The following TMEM132D variants were observed in gnomAD, a reference collection of about 807,000 sequenced individuals.
TMEM132D encodes the protein mature OL transmembrane protein.
In TMEM132D, 21 loss-of-function variants were observed where a neutral mutation model predicts 62.3. The ratio of observed to expected loss-of-function variants is 0.34; its 90% CI spans 0.24 to 0.49. The LOEUF is 0.49. Ranked by LOEUF, TMEM132D falls within the 20% of genes least tolerant of loss-of-function variation. The probability of loss-of-function intolerance (pLI) is 0.99; values close to 1 mark genes in which losing one functional copy is unlikely to be tolerated. For missense variants in TMEM132D, 1,346 were observed against 1,402.8 expected, an observed-to-expected ratio of 0.96 and a Z score of 0.65; for synonymous variants, 621 against 575.6, an observed-to-expected ratio of 1.08 and a Z score of -1.13.
chr12:129,585,846 T>G (rs181731968), intron 2 of TMEM132D, among the ~76,000 whole-genome samples: 179 of 151,964 alleles, frequency 1.2e-3, no homozygotes, highest in African/African-American at 3.5e-3. Context: ...TGTGTCTGTG[T>G]GTGTGTGAGG....
chr12:129,409,929 T>G (rs959315160), intron 3 of TMEM132D, among the ~76,000 whole-genome samples: 1 of 152,202 alleles, frequency 6.6e-6, no homozygotes, highest in Non-Finnish European at 1.5e-5. Flanking sequence ...TGAGTTAACG[T>G]AGACTTCTGA....
intron 7 of TMEM132D, 133 bp from the exon 8 acceptor site, chr12:129,078,858 T>G: frequency 3.4e-5 from 27 of 796,092 alleles, no homozygotes; most frequent in Non-Finnish European, 5.2e-5. Context: ...GAACAGGCCT[T>G]TCCCACTCAC....
chr12:129,594,362 T>C, intron 2 of TMEM132D, among the ~76,000 whole-genome samples: 1 of 152,140 alleles, frequency 6.6e-6, no homozygotes, highest in Non-Finnish European at 1.5e-5. Context: ...TAACGTCACA[T>C]CAAAGTCCAG....
chr12:129,623,101 C>G (rs1879117208), intron 2 of TMEM132D, among the ~76,000 whole-genome samples: 1 of 152,116 alleles, frequency 6.6e-6, no homozygotes, highest in African/African-American at 2.4e-5. Context: ...CTAAGGATAG[C>G]ATTGGATTCA....
rs565134408 is a variant in TMEM132D at position 129,744,513 on chromosome 12, T to C, written c.80-43815A>G. 1.1e-4 allele frequency among the ~76,000 whole-genome samples: 17 copies of C among 152,280 alleles called. No individual in the cohort carries two copies. The East Asian group carries it at 3.1e-3, about 28-fold the overall frequency. On this transcript the variant is annotated intron_variant, in intron 1 of 8. Transcript: ENST00000422113. ...AAAGTAGTGCTGCATACAGATAGTA[T>C]ATATTTTGCAGCCCTGCCAATATCA...
At chr12:129,836,236 C>T (rs1228653562) in intron 1 of TMEM132D, among the ~76,000 whole-genome samples, 1 of 152,112 alleles carries the variant, frequency 6.6e-6, no homozygotes, top group African/African-American at 2.4e-5. Context: ...TTTAAAAATC[C>T]TTTAAAAAGC....
chr12:129,666,941 A>T (rs1880391361), intron 2 of TMEM132D, among the ~76,000 whole-genome samples: 1 of 152,248 alleles, frequency 6.6e-6, no homozygotes, highest in Non-Finnish European at 1.5e-5. Flanking sequence ...TTCTTAACTT[A>T]GAGTAACGGG....
chr12:129,262,507 T>A (rs1270823364), intron 4 of TMEM132D: 2 of 152,324 alleles, frequency 1.3e-5, no homozygotes, highest in Middle Eastern at 6.8e-3. Context: ...GGAGAGCACG[T>A]GCCATGTCTG....
intron 4 of TMEM132D, among the ~76,000 whole-genome samples, chr12:129,257,669 G>A (rs1352426978): frequency 1.3e-5 from 2 of 152,152 alleles, no homozygotes; most frequent in Non-Finnish European, 2.9e-5. Flanking sequence ...ATGCAGGGGT[G>A]GATCTGGGGG....
At chr12:129,778,992 G>A (rs190040725) in intron 1 of TMEM132D, among the ~76,000 whole-genome samples, 29 of 152,318 alleles carry the variant, frequency 1.9e-4, no homozygotes, top group African/African-American at 6.0e-4. Context: ...TCTCTCTCAC[G>A]TAAATACTAT....
rs369793846 is a variant in TMEM132D at position 129,607,221 on chromosome 12, G to A, written c.969-76016C>T. Among the ~76,000 whole-genome samples, 16 of 152,274 alleles carry A rather than the reference G, an allele frequency of 1.1e-4. No individual in the cohort carries two copies. The East Asian group carries it at 2.3e-3, about 22-fold the overall frequency. ...AGCGAAATGATACCGATTAAAATCAGCAACAAGAAAGAAAAGGTGCTTAGG... is the reference window on the plus strand; with the variant it reads ...AGCGAAATGATACCGATTAAAATCAACAACAAGAAAGAAAAGGTGCTTAGG... On this transcript the variant is annotated intron_variant, in intron 2 of 8. Transcript: ENST00000422113.
intron 4 of TMEM132D, among the ~76,000 whole-genome samples, chr12:129,224,541 A>G (rs1374609936): frequency 6.6e-6 from 1 of 152,208 alleles, no homozygotes; most frequent in Admixed American, 6.5e-5. Flanking sequence ...GTAACAGACA[A>G]ACCTTTCAAA....
At chr12:129,335,936 G>C (rs567712402) in intron 4 of TMEM132D, among the ~76,000 whole-genome samples, 1 of 152,202 alleles carries the variant, frequency 6.6e-6, no homozygotes, top group Admixed American at 6.5e-5. Context: ...AAGTTTTGCT[G>C]GTCTGCAGAA....
chr12:129,122,542 A>G (rs1876097241), intron 5 of TMEM132D, among the ~76,000 whole-genome samples: 1 of 152,166 alleles, frequency 6.6e-6, no homozygotes, highest in African/African-American at 2.4e-5. Context: ...TAGAGGATCA[A>G]TAGATATCTA....
At chr12:129,514,795 T>C (rs1272762110) in intron 3 of TMEM132D, among the ~76,000 whole-genome samples, 1 of 152,208 alleles carries the variant, frequency 6.6e-6, no homozygotes, top group African/African-American at 2.4e-5. Flanking sequence ...AGCTATGATT[T>C]GTCTGAAGCT....
chr12:129,370,375 C>T (rs930048800), intron 3 of TMEM132D, among the ~76,000 whole-genome samples: 17 of 152,168 alleles, frequency 1.1e-4, no homozygotes, highest in Non-Finnish European at 1.6e-4. Flanking sequence ...TTTGGTCTTT[C>T]GTGTGAATGA....
chr12:129,299,420 C>CT (rs34775349), intron 4 of TMEM132D, among the ~76,000 whole-genome samples: 53,764 of 127,560 alleles, frequency 0.42, 12,660 homozygotes, highest in Non-Finnish European at 0.55. Flanking sequence ...CATAGTTGAA[C>CT]TTTTTTTTTT....
At chr12:129,684,453 A>T (rs1880858499) in intron 2 of TMEM132D, among the ~76,000 whole-genome samples, 1 of 152,112 alleles carries the variant, frequency 6.6e-6, no homozygotes, top group Non-Finnish European at 1.5e-5. Flanking sequence ...CAGAACTGTG[A>T]GTCAATTAAA....
chr12:129,586,159 A>G (rs147483657), intron 2 of TMEM132D, among the ~76,000 whole-genome samples: 1 of 152,276 alleles, frequency 6.6e-6, no homozygotes, highest in African/African-American at 2.4e-5. Context: ...GAAAGCTCCC[A>G]GCCTCCTCTG....
Sources: gnomAD v4.1 joint callset for allele counts (sites outside exome capture counted in the v4.1 genomes callset) on GRCh38, gnomAD v4.1.1 for gene constraint, MANE v1.5 for transcripts, NCBI Gene and HGNC (gene_info 2026-07-23, HGNC 2026-07-21) for gene names.